UBE3D: variants seen among roughly 807,000 people sequenced by gnomAD.
UBE3D encodes the protein ubiquitin protein ligase E3D.
A neutral mutation model predicts 49.6 loss-of-function variants in UBE3D; 48 were observed. The observed-to-expected ratio is 0.97, with a 90% CI of 0.77 to 1.23. The LOEUF (loss-of-function observed/expected upper bound fraction) is 1.23. Among genes scored for constraint, UBE3D ranks in the 50% most tolerant of loss-of-function variants. The pLI is 0.00. For synonymous variants in UBE3D, 189 were observed against 174.2 expected (o/e 1.08, Z -0.67); for missense variants, 452 against 468.4 (o/e 0.96, Z 0.32).
intron 9 of UBE3D, among the ~76,000 whole-genome samples, chr6:82,949,591 T>G (rs1775644243): frequency 1.3e-5 from 2 of 152,010 alleles, no homozygotes; most frequent in Non-Finnish European, 2.9e-5. Context: ...ACTGGAGGAA[T>G]CACATTACCT....
chr6:83,025,969 C>T (rs953329677), intron 5 of UBE3D, among the ~76,000 whole-genome samples: 2 of 147,772 alleles, frequency 1.4e-5, no homozygotes, highest in African/African-American at 5.0e-5. Flanking sequence ...CAAAAAAATA[C>T]TCACTGGTAT....
chr6:83,046,557 C>T (rs545872279), intron 3 of UBE3D, among the ~76,000 whole-genome samples: 35 of 151,562 alleles, frequency 2.3e-4, no homozygotes, highest in South Asian at 2.1e-3. Context: ...ACATACAGTC[C>T]GTCTCTCTTA....
intron 9 of UBE3D, among the ~76,000 whole-genome samples, chr6:82,894,718 C>G (rs1486826014): frequency 6.6e-6 from 1 of 152,090 alleles, no homozygotes; most frequent in Non-Finnish European, 1.5e-5. Context: ...AGAAGAGAGG[C>G]CAGTAGAGCC....
At chr6:82,992,598 T>C (rs979128406) in intron 8 of UBE3D, among the ~76,000 whole-genome samples, 3 of 152,186 alleles carry the variant, frequency 2.0e-5, no homozygotes, top group African/African-American at 7.2e-5. Flanking sequence ...GAGCTAAAAG[T>C]AGATGATAGC....
the UBE3D span, among the ~76,000 whole-genome samples, chr6:82,882,860 A>G: frequency 1.3e-5 from 2 of 152,208 alleles, no homozygotes; most frequent in Non-Finnish European, 2.9e-5. Flanking sequence ...TACAAAAGCC[A>G]GTGCTTGCTC....
intron 9 of UBE3D, among the ~76,000 whole-genome samples, chr6:82,923,727 TAAATA>T (rs1377019041): frequency 6.6e-6 from 1 of 152,028 alleles, no homozygotes; most frequent in Non-Finnish European, 1.5e-5. Context: ...AATAAATAAC[TAAATA>T]AAAGAGGAAC....
intron 8 of UBE3D, among the ~76,000 whole-genome samples, chr6:82,969,132 A>C (rs1777158082): frequency 6.7e-6 from 1 of 149,250 alleles, no homozygotes; most frequent in Admixed American, 6.8e-5. Context: ...TTACTTAGAA[A>C]GCCTGAGAGA....
intron 9 of UBE3D, among the ~76,000 whole-genome samples, chr6:82,948,925 G>C (rs1775595297): frequency 6.6e-6 from 1 of 151,914 alleles, no homozygotes; most frequent in Non-Finnish European, 1.5e-5. Flanking sequence ...ATACTGAATG[G>C]GGAAAAACTA....
chr6:82,941,724 A>G (rs948425083), intron 9 of UBE3D, among the ~76,000 whole-genome samples: 2 of 152,150 alleles, frequency 1.3e-5, no homozygotes, highest in African/African-American at 4.8e-5. Flanking sequence ...CTCTCGTGAT[A>G]GTGAGTGAGT....
At chr6:83,037,146 C>G (rs1418551252) in intron 5 of UBE3D, 1 of 152,660 alleles carries the variant, frequency 6.6e-6, no homozygotes, top group Non-Finnish European at 1.5e-5. Flanking sequence ...CAGCCCCTTG[C>G]CTCAGACTGC....
intron 4 of UBE3D, among the ~76,000 whole-genome samples, chr6:83,039,647 T>A (rs567580066): frequency 6.6e-6 from 1 of 152,044 alleles, no homozygotes; most frequent in South Asian, 2.1e-4. Context: ...TGTTTTGTTT[T>A]ATTTTGTTTT....
At chr6:82,895,091 G>T (rs935230235) in intron 9 of UBE3D, among the ~76,000 whole-genome samples, 8 of 152,114 alleles carry the variant, frequency 5.3e-5, no homozygotes, top group Non-Finnish European at 1.2e-4. Flanking sequence ...GCAGGCAGAT[G>T]GCTTGAGGTT....
At chr6:83,047,279 C>T (rs1208850909) in intron 3 of UBE3D, among the ~76,000 whole-genome samples, 1 of 152,106 alleles carries the variant, frequency 6.6e-6, no homozygotes, top group Admixed American at 6.5e-5. Flanking sequence ...TAAAAATGAT[C>T]CTTGGTTGGT....
At chr6:82,963,840 G>A (rs1196952818) in intron 8 of UBE3D, among the ~76,000 whole-genome samples, 1 of 152,150 alleles carries the variant, frequency 6.6e-6, no homozygotes, top group East Asian at 1.9e-4. Flanking sequence ...CAATACAAAT[G>A]TCTGTTGATC....
At chr6:82,922,988 G>C (rs1188284844) in intron 9 of UBE3D, among the ~76,000 whole-genome samples, 1 of 152,178 alleles carries the variant, frequency 6.6e-6, no homozygotes, top group Non-Finnish European at 1.5e-5. Context: ...TCAGAGAAAT[G>C]CAAATCAAAA....
intron 9 of UBE3D, among the ~76,000 whole-genome samples, chr6:82,951,680 G>GT (rs1448215569): frequency 6.6e-6 from 1 of 152,142 alleles, no homozygotes; most frequent in Non-Finnish European, 1.5e-5. Flanking sequence ...CTGGGAACAG[G>GT]TACAGGGTGG....
intron 9 of UBE3D, among the ~76,000 whole-genome samples, chr6:82,955,256 TCTTTTA>T (rs1372326157): frequency 6.6e-6 from 1 of 152,198 alleles, no homozygotes; most frequent in East Asian, 1.9e-4. Flanking sequence ...TTTAGATTAC[TCTTTTA>T]CTTTTAATTT....
chr6:82,961,695 G>A (rs1398408634), intron 8 of UBE3D, among the ~76,000 whole-genome samples: 2 of 152,164 alleles, frequency 1.3e-5, no homozygotes, highest in African/African-American at 4.8e-5. Context: ...GCAAAATATA[G>A]TTGAGTATTT....
At chr6:82,927,794 C>A in intron 9 of UBE3D, among the ~76,000 whole-genome samples, 1 of 149,594 alleles carries the variant, frequency 6.7e-6, no homozygotes. Context: ...CTAAATAAGA[C>A]AATCATGGCA....
Sources: allele counts gnomAD v4.1 joint callset (sites outside exome capture counted in the v4.1 genomes callset), GRCh38; gene constraint gnomAD v4.1.1; transcripts MANE v1.5; gene names NCBI Gene and HGNC (gene_info 2026-07-23, HGNC 2026-07-21).